Variants in SSR1 observed in about 807,000 individuals in gnomAD.
The protein encoded by SSR1 is translocon-associated protein subunit alpha.
A neutral mutation model predicts 36.1 loss-of-function variants in SSR1; 13 were observed. That is an observed-to-expected ratio of 0.36 (90% CI 0.23 to 0.57). SSR1 has a LOEUF of 0.57. Ranked by LOEUF, SSR1 falls within the 20% of genes least tolerant of loss-of-function variation. SSR1 has a pLI of 0.81. For missense variants in SSR1, 291 were observed against 338.5 expected (o/e 0.86, Z 1.10); for synonymous variants, 113 against 118.9 (o/e 0.95, Z 0.32).
At chr6:7,291,511 CTTCA>C (rs1757680649) in intron 7 of SSR1, among the ~76,000 whole-genome samples, 1 of 152,196 alleles carries the variant, frequency 6.6e-6, no homozygotes, top group East Asian at 1.9e-4. Flanking sequence ...GCTCTCACTA[CTTCA>C]TTAAGTAGGT....
At position 7,289,719 on chromosome 6, in the gene SSR1, T is replaced by C; in HGVS notation, c.*145A>G. On this transcript the variant is annotated 3_prime_UTR_variant, in exon 8 of 8. Coordinates refer to ENST00000244763, the MANE Select transcript of SSR1 (RefSeq NM_003144.5). Reference sequence around the variant, plus strand: ...GAATGCAGTGCATTTTCAGCAATATTATCGCCACAGACTCTGATTGCTCAG... The same window carrying C: ...GAATGCAGTGCATTTTCAGCAATATCATCGCCACAGACTCTGATTGCTCAG... 1.4e-6 allele frequency: 1 copy of C among 693,066 alleles called. No individual in the cohort carries two copies. Among genetic ancestry groups the C allele is most frequent in the Non-Finnish European group, 2.3e-6 (1 of 432,428 alleles). The allele number at this position is 693,066 out of a possible 1,614,324, so 42.9% of individuals were successfully genotyped here. A position where few individuals can be genotyped will look rare whatever the true frequency, so the allele number is the denominator to read the frequency against.
In SSR1 at chr6:7,289,615, A is replaced by G; in HGVS notation, c.*249T>C. 4.2e-6 allele frequency: 2 copies of G among 476,326 alleles called. No homozygotes were observed. Among genetic ancestry groups the G allele is most frequent in the East Asian group, 3.8e-5 (1 of 26,356 alleles). 29.5% of individuals were successfully genotyped at this position (476,326 alleles called of 1,614,324 possible). ...TTCAACAATGATTCTGGTAAGACCA[A>G]CTGCTCACATACATACACACGCACA... is the stretch of plus-strand genomic sequence containing the variant. On this transcript the variant is annotated 3_prime_UTR_variant, in exon 8 of 8. Transcript: ENST00000244763.
intron 5 of SSR1, 70 bp downstream of exon 5, chr6:7,298,677 A>G (rs1393597348): frequency 1.7e-6 from 2 of 1,209,732 alleles, no homozygotes; most frequent in Non-Finnish European, 2.4e-6. Context: ...AACAATGCTG[A>G]AACAGAGCAA....
chr6:7,306,179 G>A (rs1408356952), intron 2 of SSR1, among the ~76,000 whole-genome samples: 1 of 152,302 alleles, frequency 6.6e-6, no homozygotes, highest in African/African-American at 2.4e-5. Context: ...CCAGGCTGGA[G>A]TGTAGTGGAG....
intron 3 of SSR1, among the ~76,000 whole-genome samples, chr6:7,301,802 G>A (rs7748736): frequency 0.46 from 70,553 of 151,932 alleles, 16,412 homozygotes; most frequent in East Asian, 0.57. Flanking sequence ...TTCAATAAGC[G>A]TCTCAATTTC....
chr6:7,299,529 T>A (rs9502589), intron 4 of SSR1, among the ~76,000 whole-genome samples: 1 of 151,752 alleles, frequency 6.6e-6, no homozygotes, highest in Non-Finnish European at 1.5e-5. Context: ...AGAAACCCCC[T>A]CTCTACTAAA....
chr6:7,301,675 T>C (rs1757937294), intron 3 of SSR1, 103 bp from the exon 4 acceptor site: 5 of 1,263,834 alleles, frequency 4.0e-6, no homozygotes, highest in African/African-American at 1.5e-5. Context: ...CCTGTGGACT[T>C]TGGTGTCAGA....
At chr6:7,302,954 T>C (rs1036167022) in intron 3 of SSR1, among the ~76,000 whole-genome samples, 2 of 151,284 alleles carry the variant, frequency 1.3e-5, no homozygotes, top group African/African-American at 2.4e-5. Flanking sequence ...CCGACCAACA[T>C]GGTGAAACCC....
intron 6 of SSR1, among the ~76,000 whole-genome samples, chr6:7,295,972 T>A (rs974311706): frequency 2.0e-5 from 3 of 152,214 alleles, no homozygotes; most frequent in Non-Finnish European, 4.4e-5. Flanking sequence ...AATCAAAGAA[T>A]AAATTTATTT....
At chr6:7,304,778 T>G (rs1758019589) in intron 2 of SSR1, among the ~76,000 whole-genome samples, 1 of 152,218 alleles carries the variant, frequency 6.6e-6, no homozygotes, top group African/African-American at 2.4e-5. Context: ...TCTTAATAAA[T>G]TGAGATGCTT....
chr6:7,293,627 T>C (rs1757731344), intron 7 of SSR1, among the ~76,000 whole-genome samples: 1 of 152,178 alleles, frequency 6.6e-6, no homozygotes, highest in African/African-American at 2.4e-5. Context: ...TTGCCAAGGC[T>C]AGTCTCAAAC....
intron 3 of SSR1, among the ~76,000 whole-genome samples, chr6:7,302,606 A>T (rs1757961099): frequency 6.6e-6 from 1 of 152,066 alleles, no homozygotes; most frequent in African/African-American, 2.4e-5. Context: ...TACTAAAAAT[A>T]CAAAAATTAG....
intron 2 of SSR1, among the ~76,000 whole-genome samples, chr6:7,306,966 AG>A (rs1256238271): frequency 1.3e-5 from 2 of 150,800 alleles, no homozygotes; most frequent in Admixed American, 6.6e-5. Context: ...AAAAAAAAAA[AG>A]GTTTGTCCTC....
chr6:7,291,558 T>TA (rs1357630397), intron 7 of SSR1, among the ~76,000 whole-genome samples: 1 of 152,188 alleles, frequency 6.6e-6, no homozygotes, highest in Non-Finnish European at 1.5e-5. Flanking sequence ...CTCTTCAACT[T>TA]ACCTAAAACT....
rs1177276678 is a variant in SSR1 at position 7,284,562 on chromosome 6, T to C, written c.*5302A>G. ...AAATGAGAGCAGTCACTTAAGCGGC[T>C]TACTGAGACCCAGGCAATGTTCTAA... On this transcript the variant is annotated 3_prime_UTR_variant, in exon 8 of 8. Coordinates refer to ENST00000244763, the MANE Select transcript of SSR1 (RefSeq NM_003144.5). 6.6e-6 allele frequency: 1 copy of C among 152,188 alleles called. No individual in the cohort carries two copies. 9.4% of individuals were successfully genotyped at this position (152,188 alleles called of 1,614,324 possible).
Position 7,286,683 on chromosome 6 carries a change from A to C in SSR1, c.*3181T>G, listed in dbSNP as rs561409080. 1 of 152,186 alleles carries C rather than the reference A, an allele frequency of 6.6e-6. No individual in the cohort carries two copies. The highest frequency in any genetic ancestry group is 1.5e-5 in the Non-Finnish European group (1 of 68,044). The allele number at this position is 152,186 out of a possible 1,614,324, so 9.4% of individuals were successfully genotyped here. A position where few individuals can be genotyped will look rare whatever the true frequency, so the allele number is the denominator to read the frequency against. ...CCAGCACACTTTGGGAGGCCAAGGC[A>C]GGCGTATCACCTGTGGTCAGGAGTT... On this transcript the variant is annotated 3_prime_UTR_variant, in exon 8 of 8. Coordinates refer to ENST00000244763, the MANE Select transcript of SSR1 (RefSeq NM_003144.5).
intron 3 of SSR1, among the ~76,000 whole-genome samples, chr6:7,302,439 A>G (rs1028594621): frequency 6.6e-5 from 10 of 152,220 alleles, no homozygotes; most frequent in African/African-American, 2.4e-4. Context: ...AGCCCTCAAT[A>G]AATTATCAGC....
chr6:7,304,978 A>G (rs752801857), intron 2 of SSR1, among the ~76,000 whole-genome samples: 1 of 152,242 alleles, frequency 6.6e-6, no homozygotes, highest in African/African-American at 2.4e-5. Context: ...GTTGTAAGTT[A>G]TATTTTAAGT....
chr6:7,296,499 T>C (rs1757796977), intron 6 of SSR1, among the ~76,000 whole-genome samples: 1 of 152,224 alleles, frequency 6.6e-6, no homozygotes, highest in African/African-American at 2.4e-5. Flanking sequence ...TTAATATAGA[T>C]TTGACTGCCT....
Sources: gnomAD v4.1 joint callset for allele counts (sites outside exome capture counted in the v4.1 genomes callset) on GRCh38, gnomAD v4.1.1 for gene constraint, MANE v1.5 for transcripts, NCBI Gene and HGNC (gene_info 2026-07-23, HGNC 2026-07-21) for gene names.